Variants in SNRPN observed in about 807,000 individuals in gnomAD.
SNRPN encodes the protein small nuclear ribonucleoprotein polypeptide N.
SNRPN carries 7 observed loss-of-function variants against 25.2 expected under a neutral mutation model. That is an observed-to-expected ratio of 0.28 (90% CI 0.16 to 0.52). The LOEUF is 0.52. SNRPN is among the 20% of genes least tolerant of loss of function. SNRPN has a pLI of 0.96. For synonymous variants in SNRPN, 124 were observed against 110.6 expected (o/e 1.12, Z -0.76); for missense variants, 196 against 322.5 (o/e 0.61, Z 3.00).
rs138738435 is a variant in SNRPN at position 24,926,147 on chromosome 15, G to A, written c.-391+6023G>A. ...TCCAAAGTGCTGAGATTGCAGGCAT[G>A]AGCCACTGTGCCAGGCCCCTCATTC... On this transcript the variant is annotated intron_variant, in intron 3 of 11. Coordinates refer to the SNRPN transcript ENST00000400097. Among the ~76,000 whole-genome samples the A allele has an allele frequency of 9.1e-3, 1,386 of 152,248 alleles. 25 individuals are homozygous for A. The highest frequency in any genetic ancestry group is 0.032 in the African/African-American group (1,327 of 41,544).
intron 2 of SNRPN, among the ~76,000 whole-genome samples, chr15:24,834,751 C>CTATATATATATATATATATATA (rs796257838): frequency 1.6e-5 from 1 of 60,956 alleles, no homozygotes; most frequent in African/African-American, 5.9e-5. Flanking sequence ...CTCTCTCTCT[C>CTATATATATATATATATATATA]TATATATATA....
In SNRPN at chr15:24,978,189, G is replaced by C. The variant is rs370345153; in HGVS notation, c.560-4G>C. 1 of 1,611,842 alleles carries C rather than the reference G, an allele frequency of 6.2e-7. No homozygotes were observed. ...GCCTTTATTTCTACCATTTTTCACT[G>C]TAGGCATTATGGCTCCTCCACCTGG... On this transcript the variant is annotated splice_polypyrimidine_tract_variant and splice_region_variant and intron_variant, in intron 8 of 9. Coordinates refer to ENST00000390687, the MANE Select transcript of SNRPN (RefSeq NM_003097.6).
chr15:24,978,203 T>C lies in SNRPN; in HGVS notation c.570T>C (p.Ala190=). ...GRATPPPGIM[A]PPPGMRPPMG... is the part of the protein sequence containing the mutation. ...CATTTTTCACTGTAGGCATTATGGC[T>C]CCTCCACCTGGTATGAGACCACCCA... The change falls in exon 9 of 10, where the codon GCT becomes GCC. Residue 190 remains alanine (A), a synonymous_variant. Coordinates refer to ENST00000390687, the MANE Select transcript of SNRPN (RefSeq NM_003097.6). 2 of 1,613,870 alleles carry C rather than the reference T, an allele frequency of 1.2e-6. No individual in the cohort carries two copies. Among genetic ancestry groups the C allele is most frequent in the Middle Eastern group, 1.7e-4 (1 of 6,048 alleles).
At chr15:24,923,957 G>A (rs2060216942) in intron 3 of SNRPN, among the ~76,000 whole-genome samples, 1 of 112,354 alleles carries the variant, frequency 8.9e-6, no homozygotes, top group African/African-American at 3.5e-5. Context: ...TTGAGATGGA[G>A]TCTCACTCTG....
intron 2 of SNRPN, among the ~76,000 whole-genome samples, chr15:24,898,531 T>G (rs1043697920): frequency 6.6e-6 from 1 of 151,318 alleles, no homozygotes; most frequent in African/African-American, 2.4e-5. Context: ...GAGGTTGCAA[T>G]GAGCGAAGAT....
intron 3 of SNRPN, among the ~76,000 whole-genome samples, chr15:24,943,964 G>C (rs549533058): frequency 6.6e-6 from 1 of 152,264 alleles, no homozygotes; most frequent in East Asian, 1.9e-4. Context: ...TGGGATTACA[G>C]GGGTGCACTA....
intron 2 of SNRPN, among the ~76,000 whole-genome samples, chr15:24,837,568 A>G (rs960886504): frequency 1.3e-4 from 20 of 151,534 alleles, no homozygotes; most frequent in Non-Finnish European, 1.9e-4. Flanking sequence ...ACGGGGTTTC[A>G]CCGTGTTAGC....
intron 1 of SNRPN, among the ~76,000 whole-genome samples, chr15:24,877,995 T>C (rs17784244): frequency 0.065 from 9,948 of 152,288 alleles, 453 homozygotes; most frequent in Non-Finnish European, 0.098. Context: ...CAAACATGCA[T>C]GTACACGATT....
intron 2 of SNRPN, among the ~76,000 whole-genome samples, chr15:24,891,515 G>T (rs1267402394): frequency 1.3e-5 from 2 of 151,638 alleles, no homozygotes; most frequent in Non-Finnish European, 2.9e-5. Context: ...TCAGCTCACT[G>T]CAACTTCTGC....
chr15:24,916,899 C>T (rs1029804153), intron 2 of SNRPN, among the ~76,000 whole-genome samples: 3 of 152,132 alleles, frequency 2.0e-5, no homozygotes, highest in Admixed American at 6.5e-5. Flanking sequence ...TTGTGAAGAT[C>T]GAAAGAACAA....
At chr15:24,961,283 A>G (rs1307592572) in intron 1 of SNRPN, among the ~76,000 whole-genome samples, 2 of 152,232 alleles carry the variant, frequency 1.3e-5, no homozygotes, top group Non-Finnish European at 1.5e-5. Context: ...CTATTTTACC[A>G]ATCTAAAAGT....
chr15:24,883,409 G>T (rs901982274), intron 1 of SNRPN, among the ~76,000 whole-genome samples: 7 of 152,194 alleles, frequency 4.6e-5, no homozygotes, highest in African/African-American at 1.7e-4. Context: ...GTAGCCCACA[G>T]GGGCTGAAGC....
Position 24,967,945 on chromosome 15 carries a change from C to T in SNRPN, c.-281C>T. ...CTCTTGTTGTAGGTGTCAGTTGTACCCGAGGCGTTCTCAGCAGCAGCAAGT... is the reference window on the plus strand; with the variant it reads ...CTCTTGTTGTAGGTGTCAGTTGTACTCGAGGCGTTCTCAGCAGCAGCAAGT... On this transcript the variant is annotated 5_prime_UTR_variant, in exon 3 of 10. Transcript: ENST00000390687. 1 of 1,613,784 alleles carries T rather than the reference C, an allele frequency of 6.2e-7. No homozygotes were observed. Among genetic ancestry groups the T allele is most frequent in the Non-Finnish European group, 8.5e-7 (1 of 1,179,964 alleles).
intron 2 of SNRPN, among the ~76,000 whole-genome samples, chr15:24,892,035 T>G (rs1464467001): frequency 1.3e-5 from 2 of 149,422 alleles, no homozygotes; most frequent in East Asian, 4.1e-4. Flanking sequence ...TTTACCAATA[T>G]TCATGGAGAA....
chr15:24,930,591 A>G (rs1193615821), intron 3 of SNRPN, among the ~76,000 whole-genome samples: 16 of 21,784 alleles, frequency 7.3e-4, no homozygotes, highest in African/African-American at 1.1e-3. Context: ...ACAAAAATAC[A>G]AAAAAAAAAA....
intron 2 of SNRPN, among the ~76,000 whole-genome samples, chr15:24,966,523 G>T (rs1199791145): frequency 1.3e-5 from 2 of 152,104 alleles, no homozygotes; most frequent in Non-Finnish European, 2.9e-5. Flanking sequence ...TCCCAGGAGG[G>T]CTTGCTCAAA....
upstream of SNRPN, among the ~76,000 whole-genome samples, chr15:24,854,415 C>A (rs1038271702): frequency 3.3e-5 from 5 of 152,122 alleles, no homozygotes; most frequent in Admixed American, 2.0e-4. Context: ...ATAAGGAAGA[C>A]AAATGGAGAA....
At chr15:24,971,175 A>C (rs189684875) in intron 3 of SNRPN, among the ~76,000 whole-genome samples, 1 of 152,264 alleles carries the variant, frequency 6.6e-6, no homozygotes, top group East Asian at 1.9e-4. Flanking sequence ...TAAAGTTTGA[A>C]AACTTGTGCT....
At chr15:24,895,702 C>T (rs1004364216) in intron 2 of SNRPN, among the ~76,000 whole-genome samples, 2 of 152,050 alleles carry the variant, frequency 1.3e-5, no homozygotes, top group East Asian at 1.9e-4. Context: ...AAGGTACTCT[C>T]TTTGTGTTAC....
Sources: allele counts gnomAD v4.1 joint callset (sites outside exome capture counted in the v4.1 genomes callset), GRCh38; gene constraint gnomAD v4.1.1; transcripts MANE v1.5; gene names NCBI Gene and HGNC (gene_info 2026-07-23, HGNC 2026-07-21).